The following RNF144A variants were observed in gnomAD, a reference collection of about 807,000 sequenced individuals.
RNF144A encodes the protein ring finger protein 144A.
RNF144A carries 11 observed loss-of-function variants against 38.7 expected under a neutral mutation model. That is an observed-to-expected ratio of 0.28 (90% confidence interval 0.18 to 0.47). The LOEUF is 0.47. RNF144A is among the 20% of genes least tolerant of loss of function. The probability of loss-of-function intolerance (pLI) is 0.99; values close to 1 mark genes in which losing one functional copy is unlikely to be tolerated. For synonymous variants in RNF144A, 149 were observed against 143.9 expected (o/e 1.04, Z -0.25); for missense variants, 316 against 377.2 (o/e 0.84, Z 1.34).
At chr2:6,981,218 C>T (rs189279499) in intron 2 of RNF144A, among the ~76,000 whole-genome samples, 203 of 152,316 alleles carry the variant, frequency 1.3e-3, no homozygotes, top group African/African-American at 4.6e-3. Context: ...GATTAACATT[C>T]GGCTTCTTGT....
At chr2:6,978,143 A>C (rs75330123) in intron 2 of RNF144A, among the ~76,000 whole-genome samples, 3,227 of 152,314 alleles carry the variant, frequency 0.021, 55 homozygotes, top group Non-Finnish European at 0.035. Flanking sequence ...GTGGTCCTGC[A>C]TAGCTCTGGA....
intron 2 of RNF144A, among the ~76,000 whole-genome samples, chr2:6,981,892 T>G (rs554264582): frequency 1.5e-4 from 23 of 152,352 alleles, no homozygotes; most frequent in Admixed American, 9.8e-4. Flanking sequence ...AAGATTTAAT[T>G]GATTCACAGT....
intron 2 of RNF144A, among the ~76,000 whole-genome samples, chr2:6,957,450 G>T (rs1036228515): frequency 2.6e-5 from 4 of 152,304 alleles, no homozygotes; most frequent in Middle Eastern, 3.4e-3. Context: ...ATTATGTGTG[G>T]GTAAGTGCTG....
chr2:6,974,150 G>C (rs958389702), intron 2 of RNF144A, among the ~76,000 whole-genome samples: 4 of 152,194 alleles, frequency 2.6e-5, no homozygotes, highest in Non-Finnish European at 5.9e-5. Context: ...GGAAGTTACA[G>C]ACTTACCTGC....
intron 2 of RNF144A, among the ~76,000 whole-genome samples, chr2:6,990,468 CATATA>C (rs34954937): frequency 0.31 from 39,300 of 127,820 alleles, 5,879 homozygotes; most frequent in African/African-American, 0.35. Flanking sequence ...TATAATATAA[CATATA>C]ATATATATAG....
At position 6,982,815 on chromosome 2, in the gene RNF144A, A is replaced by G. The variant is rs985528556; in HGVS notation, c.-11-14101A>G. Reference sequence around the variant, plus strand: ...ACAGTCATCTTCCTGCTGCAGTAACATTGGGATTCTTCGGGTTTCTGTGCT... The same window carrying G: ...ACAGTCATCTTCCTGCTGCAGTAACGTTGGGATTCTTCGGGTTTCTGTGCT... On this transcript the variant is annotated intron_variant, in intron 2 of 8. Coordinates refer to ENST00000320892, the MANE Select transcript of RNF144A (RefSeq NM_014746.6). Among the ~76,000 whole-genome samples, 6 of 152,218 alleles carry G rather than the reference A, an allele frequency of 3.9e-5. No homozygotes were observed. In the South Asian group the frequency reaches 8.3e-4, roughly 21 times the overall value.
At chr2:7,068,719 G>C (rs1674337833), downstream of RNF144A, among the ~76,000 whole-genome samples, 1 of 152,214 alleles carries the variant, frequency 6.6e-6, no homozygotes, top group Non-Finnish European at 1.5e-5. Flanking sequence ...AGAGATGGCA[G>C]ATAGAGACGG....
chr2:7,031,906 TG>T (rs1672331612), intron 8 of RNF144A, among the ~76,000 whole-genome samples: 1 of 152,266 alleles, frequency 6.6e-6, no homozygotes, highest in South Asian at 2.1e-4. Context: ...TGAGTTACCT[TG>T]GCCGTGTTCC....
chr2:7,060,854 G>A (rs1028985256), intron 6 of RNF144A, among the ~76,000 whole-genome samples: 1 of 152,196 alleles, frequency 6.6e-6, no homozygotes, highest in Admixed American at 6.5e-5. Flanking sequence ...CTAGTAGCAT[G>A]TGGTCAGATC....
At chr2:6,967,497 C>T (rs528604910) in intron 2 of RNF144A, among the ~76,000 whole-genome samples, 26 of 152,316 alleles carry the variant, frequency 1.7e-4, no homozygotes, top group Non-Finnish European at 2.9e-4. Flanking sequence ...TCAGCCTCGC[C>T]CTGTGGCACC....
intron 1 of RNF144A, among the ~76,000 whole-genome samples, chr2:6,919,485 G>A (rs912110317): frequency 1.8e-4 from 27 of 152,148 alleles, no homozygotes; most frequent in African/African-American, 6.5e-4. Flanking sequence ...TGAATTCTAG[G>A]CCAAGACTTT....
chr2:6,952,112 T>C (rs951058182), intron 2 of RNF144A, among the ~76,000 whole-genome samples: 1 of 152,218 alleles, frequency 6.6e-6, no homozygotes, highest in East Asian at 1.9e-4. Context: ...TTTTTAATCA[T>C]AAATACATGT....
chr2:7,038,497 A>G (rs914024875), intron 8 of RNF144A, among the ~76,000 whole-genome samples: 1 of 152,198 alleles, frequency 6.6e-6, no homozygotes, highest in Non-Finnish European at 1.5e-5. Context: ...TGCAGTGTCA[A>G]GTGCAGTGTC....
chr2:7,039,812 C>G lies in RNF144A; in HGVS notation c.*52C>G. The G allele has an allele frequency of 6.3e-7, 1 of 1,597,462 alleles. No individual in the cohort carries two copies. On this transcript the variant is annotated 3_prime_UTR_variant, in exon 9 of 9. Transcript: ENST00000320892. The stretch of plus-strand genomic sequence containing the variant: ...CTGCCTCCGGGAAGTGTGGCTCTCC[C>G]CCAACCCTCCCCACCGTCCCCCCTT...
chr2:6,971,363 G>A (rs919544214), intron 2 of RNF144A, among the ~76,000 whole-genome samples: 44 of 152,188 alleles, frequency 2.9e-4, no homozygotes, highest in Admixed American at 2.8e-3. Flanking sequence ...TGATCAGGCT[G>A]TCTAGTATAC....
rs192685985 is a variant in RNF144A at position 6,993,641 on chromosome 2, C to T, written c.-11-3275C>T. 3.3e-5 allele frequency among the ~76,000 whole-genome samples: 5 copies of T among 152,172 alleles called. No homozygotes were observed. In the East Asian group the frequency reaches 9.6e-4, roughly 29 times the overall value. On this transcript the variant is annotated intron_variant, in intron 2 of 8. Coordinates refer to ENST00000320892, the MANE Select transcript of RNF144A (RefSeq NM_014746.6). ...GCTCTGCCTCTGGGTAATGCGTTCT[C>T]GGGTGATGTCCAGGCTGGGAGCATA...
At chr2:7,058,787 G>T (rs989857757) in intron 6 of RNF144A, among the ~76,000 whole-genome samples, 1 of 151,948 alleles carries the variant, frequency 6.6e-6, no homozygotes, top group African/African-American at 2.4e-5. Context: ...GACTCTATAG[G>T]TTTCTTCTCC....
intron 6 of RNF144A, among the ~76,000 whole-genome samples, chr2:7,053,547 G>A (rs1673610634): frequency 6.8e-6 from 1 of 147,798 alleles, no homozygotes; most frequent in South Asian, 2.2e-4. Flanking sequence ...TCAATTTTTT[G>A]TTGTCATCTG....
intron 2 of RNF144A, among the ~76,000 whole-genome samples, chr2:6,957,584 C>A (rs533468540): frequency 1.3e-5 from 2 of 152,244 alleles, no homozygotes; most frequent in Admixed American, 1.3e-4. Context: ...GGGTACCCCG[C>A]ATGGTTTATC....
Sources: allele counts gnomAD v4.1 joint callset (sites outside exome capture counted in the v4.1 genomes callset), GRCh38; gene constraint gnomAD v4.1.1; transcripts MANE v1.5; gene names NCBI Gene and HGNC (gene_info 2026-07-23, HGNC 2026-07-21).